Variants in HSF5 observed in about 807,000 individuals in gnomAD.
The protein encoded by HSF5 is heat shock transcription factor 5.
A neutral mutation model predicts 50.8 loss-of-function variants in HSF5; 5 were observed. That is an observed-to-expected ratio of 0.10 (90% CI 0.05 to 0.21). The LOEUF (loss-of-function observed/expected upper bound fraction) is 0.21, where lower values mean the gene tolerates loss of function less well. HSF5 is among the 10% of genes least tolerant of loss of function. HSF5 has a pLI of 1.00. For synonymous variants in HSF5, 307 were observed against 307.4 expected (o/e 1.00, Z 0.02); for missense variants, 564 against 762.6 (o/e 0.74, Z 3.07).
intron 2 of HSF5, among the ~76,000 whole-genome samples, chr17:58,469,545 T>C (rs1974917862): frequency 6.6e-6 from 1 of 152,214 alleles, no homozygotes; most frequent in Non-Finnish European, 1.5e-5. Context: ...TCCTTACCAC[T>C]GTAGTCCTAT....
chr17:58,470,883 A>G (rs924883331), intron 2 of HSF5, among the ~76,000 whole-genome samples: 2 of 152,200 alleles, frequency 1.3e-5, no homozygotes, highest in African/African-American at 4.8e-5. Context: ...CCAAGATCGC[A>G]CTACTGCACT....
intron 5 of HSF5, among the ~76,000 whole-genome samples, chr17:58,430,030 T>C (rs1217876972): frequency 6.6e-6 from 1 of 152,084 alleles, no homozygotes; most frequent in Non-Finnish European, 1.5e-5. Context: ...CCTAGAAATC[T>C]GGTAGAGCAT....
rs529444889 is a variant in HSF5 at position 58,428,752 on chromosome 17, G to A, written c.1721-6322C>T. 3.3e-5 allele frequency among the ~76,000 whole-genome samples: 5 copies of A among 152,302 alleles called. No homozygotes were observed. In the East Asian group the frequency reaches 7.7e-4, roughly 23 times the overall value. On this transcript the variant is annotated intron_variant, in intron 5 of 5. Transcript: ENST00000323777. ...AAAAAGGAAAATACCAAGTGTTAGC[G>A]AGGATGTAGAGAAACTGGAACCCTT...
rs140995061 is a variant in HSF5 at position 58,480,159 on chromosome 17, C to G, written c.659G>C (p.Gly220Ala). Reference sequence around the variant, plus strand: ...ATGAGGAACTGGGGTCCGATCTAAACCTTTCAGAGGGTAAGTACTGTGGTC... The same window carrying G: ...ATGAGGAACTGGGGTCCGATCTAAAGCTTTCAGAGGGTAAGTACTGTGGTC... ...SHDHSTYPLK[G>A]LDRTPVPHRI... The change falls in exon 2 of 6, where the codon GGT becomes GCT. Residue 220 changes from glycine to alanine, a missense_variant. By Grantham distance (60) the Gly-to-Ala change is moderately conservative. Transcript: ENST00000323777. 5.0e-6 allele frequency: 8 copies of G among 1,614,188 alleles called. No homozygotes were observed. Among genetic ancestry groups the G allele is most frequent in the Non-Finnish European group, 5.1e-6 (6 of 1,180,038 alleles).
At chr17:58,476,988 G>A (rs1018818017) in intron 2 of HSF5, 2 of 605,962 alleles carry the variant, frequency 3.3e-6, no homozygotes, top group African/African-American at 3.7e-5. Flanking sequence ...GGAAGGGAAG[G>A]CTAAGGGAAC....
chr17:58,454,702 G>A (rs1378551699), intron 5 of HSF5, among the ~76,000 whole-genome samples: 1 of 152,038 alleles, frequency 6.6e-6, no homozygotes, highest in Admixed American at 6.6e-5. Flanking sequence ...TAAACTATCT[G>A]AAAAAGAAAT....
At position 58,449,761 on chromosome 17, in the gene HSF5, C is replaced by T. The variant is rs188253933; in HGVS notation, c.1720+9007G>A. On this transcript the variant is annotated intron_variant, in intron 5 of 5. Transcript: ENST00000323777. ...ATATGCGGCCGGGCGCGGTGGCTCACGCCTGTAATCCCAGCACTTTGGGAG... is the reference window on the plus strand; with the variant it reads ...ATATGCGGCCGGGCGCGGTGGCTCATGCCTGTAATCCCAGCACTTTGGGAG... Among the ~76,000 whole-genome samples, 137 of 151,100 alleles carry T rather than the reference C, an allele frequency of 9.1e-4. 2 individuals are homozygous for T. The highest frequency in any genetic ancestry group is 1.2e-4 in the Non-Finnish European group (8 of 67,808).
At chr17:58,441,343 C>G (rs146131298) in intron 5 of HSF5, among the ~76,000 whole-genome samples, 1 of 151,904 alleles carries the variant, frequency 6.6e-6, no homozygotes, top group African/African-American at 2.4e-5. Flanking sequence ...AATACAACAC[C>G]AAACTTTGCT....
intron 4 of HSF5, among the ~76,000 whole-genome samples, chr17:58,459,250 C>A (rs764515454): frequency 5.3e-5 from 8 of 151,596 alleles, no homozygotes; most frequent in Non-Finnish European, 1.2e-4. Context: ...GTTGTCCAGG[C>A]GGGAGTACAG....
chr17:58,442,227 G>A (rs1056600910), intron 5 of HSF5, among the ~76,000 whole-genome samples: 4 of 152,204 alleles, frequency 2.6e-5, no homozygotes, highest in Non-Finnish European at 5.9e-5. Context: ...GCTTAGGTGG[G>A]TACATGGTCA....
chr17:58,424,259 A>C (rs1974262999), intron 5 of HSF5, among the ~76,000 whole-genome samples: 1 of 152,184 alleles, frequency 6.6e-6, no homozygotes. Context: ...CCATCAACAG[A>C]TGAATGGATA....
At chr17:58,475,892 A>G (rs771759861) in intron 2 of HSF5, among the ~76,000 whole-genome samples, 2 of 152,194 alleles carry the variant, frequency 1.3e-5, no homozygotes, top group South Asian at 2.1e-4. Flanking sequence ...AAGAAGGGAT[A>G]AAAATGAATT....
intron 5 of HSF5, among the ~76,000 whole-genome samples, chr17:58,446,900 G>T (rs533649369): frequency 6.6e-6 from 1 of 152,322 alleles, no homozygotes; most frequent in East Asian, 1.9e-4. Flanking sequence ...GCCGAGGAGG[G>T]CGGATCATGA....
intron 5 of HSF5, among the ~76,000 whole-genome samples, chr17:58,429,243 A>C (rs968861807): frequency 6.6e-6 from 1 of 152,220 alleles, no homozygotes; most frequent in African/African-American, 2.4e-5. Context: ...GGGGCTGGGG[A>C]AAGGTGGGAA....
chr17:58,476,510 T>G, intron 2 of HSF5: 2 of 1,210,378 alleles, frequency 1.7e-6, no homozygotes, highest in Admixed American at 1.7e-5. Flanking sequence ...TCACCACTCT[T>G]ATTCAGATGA....
chr17:58,450,829 C>T (rs1418100373), intron 5 of HSF5, among the ~76,000 whole-genome samples: 2 of 151,962 alleles, frequency 1.3e-5, no homozygotes, highest in Non-Finnish European at 2.9e-5. Context: ...TAGCTCACGC[C>T]TGTAATCCCA....
intron 5 of HSF5, among the ~76,000 whole-genome samples, chr17:58,451,766 T>C (rs1485819898): frequency 6.6e-6 from 1 of 151,964 alleles, no homozygotes; most frequent in Non-Finnish European, 1.5e-5. Flanking sequence ...AATATTATAT[T>C]ACATCTCAAG....
chr17:58,455,218 C>T (rs187716990), intron 5 of HSF5, among the ~76,000 whole-genome samples: 1 of 152,262 alleles, frequency 6.6e-6, no homozygotes, highest in African/African-American at 2.4e-5. Flanking sequence ...CAAGTACACA[C>T]ATTGGAGAAA....
intron 5 of HSF5, 84 bp downstream of exon 5, chr17:58,458,684 T>C (rs1046142839): frequency 7.1e-6 from 8 of 1,120,224 alleles, no homozygotes; most frequent in Non-Finnish European, 3.8e-6. Context: ...GAATAATAAA[T>C]GGAGACCCAG....
Sources: allele counts gnomAD v4.1 joint callset (sites outside exome capture counted in the v4.1 genomes callset), GRCh38; gene constraint gnomAD v4.1.1; transcripts MANE v1.5; gene names NCBI Gene and HGNC (gene_info 2026-07-23, HGNC 2026-07-21).